ADRA2A: variants seen among roughly 807,000 people sequenced by gnomAD.
ADRA2A encodes alpha-2A adrenergic receptor.
ADRA2A carries 6 observed loss-of-function variants against 5.9 expected under a neutral mutation model. The observed-to-expected ratio is 1.01, with a 90% CI of 0.55 to 2.00. ADRA2A has a LOEUF of 2.00. ADRA2A is among the 30% of genes most tolerant of loss of function. ADRA2A has a pLI of 0.00. For synonymous variants in ADRA2A, 345 were observed against 325.9 expected (o/e 1.06, Z -0.63); for missense variants, 647 against 690.0 (o/e 0.94, Z 0.70).
In ADRA2A at chr10:111,079,046, C is replaced by T; in HGVS notation, c.1050C>T (p.Arg350=). The T allele has an allele frequency of 7.9e-7, 1 of 1,272,812 alleles. No individual in the cohort carries two copies. The highest frequency in any genetic ancestry group is 9.9e-7 in the Non-Finnish European group (1 of 1,014,620). 78.8% of individuals were successfully genotyped at this position (1,272,812 alleles called of 1,614,324 possible). ...QVKPGDSLPR[R]GPGATGIGTP... is the part of the protein sequence containing the mutation. ...AGCCGGGCGACAGCCTGCCGCGGCG[C>T]GGGCCGGGGGCGACGGGGATCGGGA... Residue 350 remains arginine, a synonymous_variant, in exon 1 of 1, where the codon CGC becomes CGT. Coordinates refer to ENST00000280155, the MANE Select transcript of ADRA2A (RefSeq NM_000681.4).
In ADRA2A at chr10:111,078,177, C is replaced by A. The variant is rs1336158161; in HGVS notation, c.181C>A (p.Leu61Ile). 28 of 1,611,994 alleles carry A rather than the reference C, an allele frequency of 1.7e-5. No homozygotes were observed. The East Asian group carries it at 6.2e-4, about 36-fold the overall frequency. ...GTGCCTGGCCGGCCTGCTCATGCTG[C>A]TCACCGTGTTCGGCAACGTGCTCGT... is the stretch of plus-strand genomic sequence containing the variant. ...LVCLAGLLML[L>I]TVFGNVLVII... The change falls in exon 1 of 1, where the codon CTC becomes ATC. Residue 61 changes from leucine to isoleucine, a missense_variant. Physicochemically the swap from Leu to Ile is conservative, Grantham distance 5. Around this residue, in one of 3 missense-constraint regions of ADRA2A, gnomAD observed 577 missense variants for 605.4 expected, o/e 0.95. Coordinates refer to ENST00000280155, the MANE Select transcript of ADRA2A (RefSeq NM_000681.4).
Position 111,080,059 on chromosome 10 carries a change from G to A in ADRA2A, c.*665G>A, listed in dbSNP as rs149726935. The stretch of plus-strand genomic sequence containing the variant: ...TCCCTCTATGTCGTCGTTTTCACCA[G>A]CAACTGGTGACTGTCCCTTCGACAC... On this transcript the variant is annotated 3_prime_UTR_variant, in exon 1 of 1. Coordinates refer to ENST00000280155, the MANE Select transcript of ADRA2A (RefSeq NM_000681.4). The A allele has an allele frequency of 2.1e-4, 35 of 167,242 alleles. No individual in the cohort carries two copies. Among genetic ancestry groups the A allele is most frequent in the Non-Finnish European group, 4.3e-4 (29 of 68,122 alleles). The allele number at this position is 167,242 out of a possible 1,614,324, so 10.4% of individuals were successfully genotyped here.
Position 111,079,513 on chromosome 10 carries a change from T to G in ADRA2A, c.*119T>G, listed in dbSNP as rs1843573966. 1.7e-6 allele frequency: 2 copies of G among 1,171,586 alleles called. No individual in the cohort carries two copies. Among genetic ancestry groups the G allele is most frequent in the African/African-American group, 3.1e-5 (2 of 65,384 alleles). The allele number at this position is 1,171,586 out of a possible 1,614,324, so 72.6% of individuals were successfully genotyped here. A position where few individuals can be genotyped will look rare whatever the true frequency, so the allele number is the denominator to read the frequency against. On this transcript the variant is annotated 3_prime_UTR_variant, in exon 1 of 1. Transcript: ENST00000280155. ...GCTGCCTGCTCTGCGTTTCCTCGTC[T>G]GGGGTGGCTCTGCAGCCTCCTGCGG...
In ADRA2A at chr10:111,079,274, C is replaced by T. The variant is rs1272329517; in HGVS notation, c.1278C>T (p.Phe426=). 2 of 1,614,198 alleles carry T rather than the reference C, an allele frequency of 1.2e-6. No individual in the cohort carries two copies. Among genetic ancestry groups the T allele is most frequent in the Admixed American group, 1.7e-5 (1 of 60,038 alleles). ...CSVPRTLFKF[F]FWFGYCNSSL... ...TGCCACGCACGCTCTTCAAATTCTTCTTCTGGTTCGGCTACTGCAACAGCT... is the reference window on the plus strand; with the variant it reads ...TGCCACGCACGCTCTTCAAATTCTTTTTCTGGTTCGGCTACTGCAACAGCT... The change falls in exon 1 of 1, where the codon TTC becomes TTT. Residue 426 remains phenylalanine, a synonymous_variant. Transcript: ENST00000280155.
chr10:111,078,648 G>C lies in ADRA2A; in HGVS notation c.652G>C (p.Gly218Arg), dbSNP rs769192080. The change falls in exon 1 of 1, where the codon GGC becomes CGC. Residue 218 changes from glycine to arginine, a missense_variant. By Grantham distance (125) the Gly-to-Arg change is moderately radical. Coordinates refer to ENST00000280155, the MANE Select transcript of ADRA2A (RefSeq NM_000681.4). ...GTGGTACGTCATCTCGTCGTGCATCGGCTCCTTCTTCGCTCCCTGCCTCAT... is the reference window on the plus strand; with the variant it reads ...GTGGTACGTCATCTCGTCGTGCATCCGCTCCTTCTTCGCTCCCTGCCTCAT... Reference protein sequence around the residue: ...QKWYVISSCIGSFFAPCLIMI... With the variant: ...QKWYVISSCIRSFFAPCLIMI... 1 of 1,586,794 alleles carries C rather than the reference G, an allele frequency of 6.3e-7. No individual in the cohort carries two copies. The highest frequency in any genetic ancestry group is 1.1e-5 in the South Asian group (1 of 88,076).
rs757763372 is a variant in ADRA2A, at chr10:111,078,089, C to G, written c.93C>G (p.Thr31=). Residue 31 remains threonine (T), a synonymous_variant, in exon 1 of 1, where the codon ACC becomes ACG. Transcript: ENST00000280155. ...PDAGNASWNG[T]EAPGGGARAT... ...CGGGCAACGCGAGCTGGAACGGGAC[C>G]GAGGCGCCGGGGGGCGGCGCCCGGG... 10 of 1,562,354 alleles carry G rather than the reference C, an allele frequency of 6.4e-6. No individual in the cohort carries two copies. Among genetic ancestry groups the G allele is most frequent in the Admixed American group, 1.9e-5 (1 of 53,810 alleles).
In ADRA2A at chr10:111,078,195, G is replaced by C; in HGVS notation, c.199G>C (p.Val67Leu). 1 of 1,612,880 alleles carries C rather than the reference G, an allele frequency of 6.2e-7. No homozygotes were observed. The highest frequency in any genetic ancestry group is 8.5e-7 in the Non-Finnish European group (1 of 1,179,866). ...CATGCTGCTCACCGTGTTCGGCAAC[G>C]TGCTCGTCATCATCGCCGTGTTCAC... ...LLMLLTVFGNVLVIIAVFTSR... is the reference protein window; with the variant it reads ...LLMLLTVFGNLLVIIAVFTSR... Residue 67 changes from valine (V) to leucine (L), a missense_variant, in exon 1 of 1, where the codon GTG becomes CTG. Physicochemically the swap from Val to Leu is conservative, Grantham distance 32. Coordinates refer to ENST00000280155, the MANE Select transcript of ADRA2A (RefSeq NM_000681.4).
At position 111,078,528 on chromosome 10, in the gene ADRA2A, G is replaced by T. The variant is rs959479352; in HGVS notation, c.532G>T (p.Val178Phe). ...CATCACCGTGTGGGTCATCTCGGCC[G>T]TCATCTCCTTCCCGCCGCTCATCTC... ...IIITVWVISA[V>F]ISFPPLISIE... is the part of the protein sequence containing the mutation. The change falls in exon 1 of 1, where the codon GTC (valine) becomes TTC (phenylalanine). Residue 178 changes from valine (V) to phenylalanine (F), a missense_variant. Physicochemically the swap from Val to Phe is conservative, Grantham distance 50. Coordinates refer to ENST00000280155, the MANE Select transcript of ADRA2A (RefSeq NM_000681.4). 23 of 1,609,434 alleles carry T rather than the reference G, an allele frequency of 1.4e-5. No individual in the cohort carries two copies. Among genetic ancestry groups the T allele is most frequent in the Non-Finnish European group, 1.8e-5 (21 of 1,177,330 alleles).
Position 111,077,834 on chromosome 10 carries a change from A to G in ADRA2A, c.-163A>G, listed in dbSNP as rs1191048062. 2 of 1,157,180 alleles carry G rather than the reference A, an allele frequency of 1.7e-6. No individual in the cohort carries two copies. The highest frequency in any genetic ancestry group is 4.3e-5 in the Admixed American group (1 of 23,362). The allele number at this position is 1,157,180 out of a possible 1,614,324, so 71.7% of individuals were successfully genotyped here. Reference sequence around the variant, plus strand: ...AGGCGCAGTTCGCGGGACCCGGGCCATGGGCCGCTAGCGGTCCTCCAGTTC... The same window carrying G: ...AGGCGCAGTTCGCGGGACCCGGGCCGTGGGCCGCTAGCGGTCCTCCAGTTC... On this transcript the variant is annotated 5_prime_UTR_variant, in exon 1 of 1. The change abolishes an upstream ATG in the 5' untranslated region. Coordinates refer to ENST00000280155, the MANE Select transcript of ADRA2A (RefSeq NM_000681.4).
At position 111,080,880 on chromosome 10, in the gene ADRA2A, T is replaced by A. The variant is rs1280374024; in HGVS notation, c.*1486T>A. 2 of 165,456 alleles carry A rather than the reference T, an allele frequency of 1.2e-5. No homozygotes were observed. The highest frequency in any genetic ancestry group is 2.4e-5 in the African/African-American group (1 of 41,450). 10.2% of individuals were successfully genotyped at this position (165,456 alleles called of 1,614,324 possible). On this transcript the variant is annotated 3_prime_UTR_variant, in exon 1 of 1. Coordinates refer to ENST00000280155, the MANE Select transcript of ADRA2A (RefSeq NM_000681.4). ...GGAACATCTGATTTTATGGATTTTTTAAAAATAAAAAATGTACATTATAAA... is the reference window on the plus strand; with the variant it reads ...GGAACATCTGATTTTATGGATTTTTAAAAAATAAAAAATGTACATTATAAA...
rs1045508519 is a variant in ADRA2A at position 111,078,104 on chromosome 10, C to T, written c.108C>T (p.Gly36=). The T allele has an allele frequency of 9.6e-6, 15 of 1,570,478 alleles. No individual in the cohort carries two copies. The Admixed American group carries it at 1.3e-4, about 13-fold the overall frequency. The change falls in exon 1 of 1, where the codon GGC becomes GGT. Residue 36 remains glycine, a synonymous_variant. Coordinates refer to ENST00000280155, the MANE Select transcript of ADRA2A (RefSeq NM_000681.4). ...GGAACGGGACCGAGGCGCCGGGGGG[C>T]GGCGCCCGGGCCACCCCTTACTCCC... is the stretch of plus-strand genomic sequence containing the variant. The part of the protein sequence containing the change: ...ASWNGTEAPG[G]GARATPYSLQ...
rs763766164 is a variant in ADRA2A at position 111,078,566 on chromosome 10, G to GGGC, written c.583_585dup (p.Gly195dup). 84 of 1,604,306 alleles carry GGGC rather than the reference G, an allele frequency of 5.2e-5. No individual in the cohort carries two copies. The highest frequency in any genetic ancestry group is 2.0e-4 in the South Asian group (18 of 90,458). On this transcript the variant is annotated inframe_insertion, in exon 1 of 1. Coordinates refer to ENST00000280155, the MANE Select transcript of ADRA2A (RefSeq NM_000681.4). ...CGCCGCTCATCTCCATCGAGAAGAA[G>GGGC]GGCGGCGGCGGCGGCCCGCAGCCGG...
In ADRA2A at chr10:111,077,870, T is replaced by TCCCTGCGGCCC; in HGVS notation, c.-124_-114dup. On this transcript the variant is annotated 5_prime_UTR_variant, in exon 1 of 1. Coordinates refer to ENST00000280155, the MANE Select transcript of ADRA2A (RefSeq NM_000681.4). The stretch of plus-strand genomic sequence containing the variant: ...GCGGTCCTCCAGTTCGGGCCCGGCC[T>TCCCTGCGGCCC]CCCTGCGGCCCCCTCCCTATGTGAG... The TCCCTGCGGCCC allele has an allele frequency of 7.9e-7, 1 of 1,273,520 alleles. No individual in the cohort carries two copies. Among genetic ancestry groups the TCCCTGCGGCCC allele is most frequent in the Non-Finnish European group, 9.9e-7 (1 of 1,013,954 alleles). 78.9% of individuals were successfully genotyped at this position (1,273,520 alleles called of 1,614,324 possible). A position where few individuals can be genotyped will look rare whatever the true frequency, so the allele number is the denominator to read the frequency against.
In ADRA2A at chr10:111,078,605, C is replaced by T. The variant is rs1210382323; in HGVS notation, c.609C>T (p.Cys203=). The T allele has an allele frequency of 1.9e-6, 3 of 1,598,744 alleles. No homozygotes were observed. The highest frequency in any genetic ancestry group is 2.3e-5 in the East Asian group (1 of 44,012). ...GCCCGCAGCCGGCCGAGCCGCGCTGCGAGATCAACGACCAGAAGTGGTACG... is the reference window on the plus strand; with the variant it reads ...GCCCGCAGCCGGCCGAGCCGCGCTGTGAGATCAACGACCAGAAGTGGTACG... ...GGGPQPAEPR[C]EINDQKWYVI... is the part of the protein sequence containing the mutation. The change falls in exon 1 of 1, where the codon TGC becomes TGT. Residue 203 remains cysteine, a synonymous_variant. Coordinates refer to ENST00000280155, the MANE Select transcript of ADRA2A (RefSeq NM_000681.4).
At position 111,078,476 on chromosome 10, in the gene ADRA2A, C is replaced by G; in HGVS notation, c.480C>G (p.Arg160=). 1 of 1,613,540 alleles carries G rather than the reference C, an allele frequency of 6.2e-7. No homozygotes were observed. The highest frequency in any genetic ancestry group is 8.5e-7 in the Non-Finnish European group (1 of 1,179,980). Residue 160 remains arginine (R), a synonymous_variant, in exon 1 of 1, where the codon CGC becomes CGG. Coordinates refer to ENST00000280155, the MANE Select transcript of ADRA2A (RefSeq NM_000681.4). ...ITQAIEYNLK[R]TPRRIKAIII... is the part of the protein sequence containing the mutation. ...AGGCCATCGAGTACAACCTGAAGCG[C>G]ACGCCGCGCCGCATCAAGGCCATCA...
Position 111,078,615 on chromosome 10 carries a change from G to T in ADRA2A, c.619G>T (p.Asp207Tyr), listed in dbSNP as rs1265977627. The change falls in exon 1 of 1, where the codon GAC becomes TAC. Residue 207 changes from aspartate (D) to tyrosine (Y), a missense_variant. Asp to Tyr is a radical substitution (Grantham distance 160, BLOSUM62 -3). Coordinates refer to ENST00000280155, the MANE Select transcript of ADRA2A (RefSeq NM_000681.4). ...GGCCGAGCCGCGCTGCGAGATCAAC[G>T]ACCAGAAGTGGTACGTCATCTCGTC... ...QPAEPRCEIN[D>Y]QKWYVISSCI... 1.3e-6 allele frequency: 2 copies of T among 1,597,160 alleles called. No individual in the cohort carries two copies. Among genetic ancestry groups the T allele is most frequent in the Admixed American group, 1.7e-5 (1 of 57,236 alleles).
Position 111,077,996 on chromosome 10 carries a change from C to G in ADRA2A, c.-1C>G. The G allele has an allele frequency of 7.1e-7, 1 of 1,398,916 alleles. No individual in the cohort carries two copies. The highest frequency in any genetic ancestry group is 9.2e-7 in the Non-Finnish European group (1 of 1,083,932). The allele number at this position is 1,398,916 out of a possible 1,614,324, so 86.7% of individuals were successfully genotyped here. A position where few individuals can be genotyped will look rare whatever the true frequency, so the allele number is the denominator to read the frequency against. ...GCCCAGGCCAGCGGGCGCCCGCGTT[C>G]ATGTTCCGCCAGGAGCAGCCGTTGG... On this transcript the variant is annotated 5_prime_UTR_variant, in exon 1 of 1. Coordinates refer to ENST00000280155, the MANE Select transcript of ADRA2A (RefSeq NM_000681.4).
Position 111,078,840 on chromosome 10 carries a change from G to C in ADRA2A, c.844G>C (p.Glu282Gln). 8.2e-7 allele frequency: 1 copy of C among 1,218,354 alleles called. No homozygotes were observed. Among genetic ancestry groups the C allele is most frequent in the Non-Finnish European group, 1.0e-6 (1 of 979,188 alleles). The allele number at this position is 1,218,354 out of a possible 1,614,324, so 75.5% of individuals were successfully genotyped here. A position where few individuals can be genotyped will look rare whatever the true frequency, so the allele number is the denominator to read the frequency against. Residue 282 changes from glutamate (E) to glutamine (Q), a missense_variant, in exon 1 of 1, where the codon GAA (glutamate) becomes CAA (glutamine). By Grantham distance (29) the Glu-to-Gln change is conservative. Transcript: ENST00000280155. ...RSAGPGGAEA[E>Q]PLPTQLNGAP... ...CGCGGGCCCGGGGGGCGCAGAGGCC[G>C]AACCGCTGCCCACCCAGCTCAACGG...
In ADRA2A at chr10:111,078,065, G is replaced by T. The variant is rs776158717; in HGVS notation, c.69G>T (p.Ala23=). The T allele has an allele frequency of 1.4e-5, 21 of 1,541,476 alleles. No homozygotes were observed. Among genetic ancestry groups the T allele is most frequent in the Admixed American group, 6.1e-5 (3 of 49,578 alleles). ...CCATGGGCTCCCTGCAGCCGGACGC[G>T]GGCAACGCGAGCTGGAACGGGACCG... is the stretch of plus-strand genomic sequence containing the variant. ...FAPMGSLQPD[A]GNASWNGTEA... is the part of the protein sequence containing the mutation. The change falls in exon 1 of 1, where the codon GCG becomes GCT. Residue 23 remains alanine, a synonymous_variant. Coordinates refer to ENST00000280155, the MANE Select transcript of ADRA2A (RefSeq NM_000681.4).
Sources: gnomAD v4.1 joint callset for allele counts on GRCh38, gnomAD v4.1.1 for gene constraint, gnomAD v4.1.1 regional missense constraint, MANE v1.5 for transcripts, NCBI Gene and HGNC (gene_info 2026-07-23, HGNC 2026-07-21) for gene names.